The following TENM4 variants were observed in gnomAD, a reference collection of about 807,000 sequenced individuals.
The protein encoded by TENM4 is teneurin transmembrane protein 4.
Under a neutral mutation model 243.3 loss-of-function variants are expected in TENM4, and 82 were observed. The observed-to-expected ratio is 0.34, with a 90% CI of 0.28 to 0.40. The LOEUF (loss-of-function observed/expected upper bound fraction) is 0.40. Ranked by LOEUF, TENM4 falls within the 10% of genes least tolerant of loss-of-function variation. The pLI, the probability that TENM4 is intolerant of heterozygous loss-of-function variation, is 1.00. For synonymous variants in TENM4, 1,412 were observed against 1,456.3 expected (o/e 0.97, Z 0.69); for missense variants, 3,138 against 3,673.3 (o/e 0.85, Z 3.77).
At chr11:78,867,111 A>G (rs1339396547) in intron 9 of TENM4, among the ~76,000 whole-genome samples, 1 of 152,172 alleles carries the variant, frequency 6.6e-6, no homozygotes, top group African/African-American at 2.4e-5. Context: ...AAACAATCCA[A>G]TTATACTTTT....
chr11:79,339,950 C>T lies in TENM4; in HGVS notation c.-320-42407G>A, dbSNP rs535002680. 3.6e-4 allele frequency among the ~76,000 whole-genome samples: 55 copies of T among 152,100 alleles called. 1 individual carries two copies. In the South Asian group the frequency reaches 7.5e-3, roughly 21 times the overall value. ...CATGGGTGGGGGCCACAGGCAGCCA[C>T]GTGAGGAAGTGACAGGTCAGCAGAG... On this transcript the variant is annotated intron_variant, in intron 1 of 33. Coordinates refer to ENST00000278550, the MANE Select transcript of TENM4 (RefSeq NM_001098816.3).
chr11:78,849,102 C>G (rs1858469495), intron 12 of TENM4, among the ~76,000 whole-genome samples: 1 of 152,186 alleles, frequency 6.6e-6, no homozygotes, highest in South Asian at 2.1e-4. Flanking sequence ...CACATTGCCA[C>G]AATGTCAGGC....
chr11:79,202,826 A>T (rs1863771058), intron 3 of TENM4, among the ~76,000 whole-genome samples: 1 of 152,162 alleles, frequency 6.6e-6, no homozygotes, highest in African/African-American at 2.4e-5. Flanking sequence ...AGCACCCTAG[A>T]CAGAAAGACC....
At chr11:78,711,691 G>T (rs1457051619) in intron 26 of TENM4, among the ~76,000 whole-genome samples, 1 of 152,134 alleles carries the variant, frequency 6.6e-6, no homozygotes, top group Non-Finnish European at 1.5e-5. Context: ...CTATAGGGTT[G>T]CAACACAGTG....
At chr11:79,048,924 AG>A (rs1276623724) in intron 6 of TENM4, among the ~76,000 whole-genome samples, 1 of 152,110 alleles carries the variant, frequency 6.6e-6, no homozygotes, top group East Asian at 1.9e-4. Context: ...TTAGAACCTC[AG>A]GGGACCTTAG....
chr11:79,226,989 T>TGTGCTCTGCA (rs1864280539), intron 2 of TENM4, among the ~76,000 whole-genome samples: 1 of 152,232 alleles, frequency 6.6e-6, no homozygotes, highest in African/African-American at 2.4e-5. Context: ...CCTGCTCTGC[T>TGTGCTCTGCA]GTGCTCTGCA....
Position 78,676,151 on chromosome 11 carries a change from C to A in TENM4, c.5496+1G>T. 1 of 1,507,590 alleles carries A rather than the reference C, an allele frequency of 6.6e-7. No homozygotes were observed. Among genetic ancestry groups the A allele is most frequent in the Non-Finnish European group, 9.0e-7 (1 of 1,115,918 alleles). 93.4% of individuals were successfully genotyped at this position (1,507,590 alleles called of 1,614,324 possible). A position where few individuals can be genotyped will look rare whatever the true frequency, so the allele number is the denominator to read the frequency against. ...CAGCCACCTCCAGAGGCCTCGCTCA[C>A]CCGCAGCCGGCGCCCAAAGACAGTG... On this transcript the variant is annotated splice_donor_variant, in intron 30 of 33. Coordinates refer to ENST00000278550, the MANE Select transcript of TENM4 (RefSeq NM_001098816.3). LOFTEE classifies it high-confidence loss of function.
chr11:79,163,623 G>A (rs567048603), intron 3 of TENM4, among the ~76,000 whole-genome samples: 9 of 151,810 alleles, frequency 5.9e-5, no homozygotes, highest in Non-Finnish European at 1.2e-4. Context: ...CTCCCATTAT[G>A]AGTGAGAACA....
chr11:79,022,404 T>C (rs1427449547), intron 6 of TENM4, among the ~76,000 whole-genome samples: 1 of 152,124 alleles, frequency 6.6e-6, no homozygotes, highest in African/African-American at 2.4e-5. Flanking sequence ...CAGTCTCAGC[T>C]ATGCAGTAAA....
At chr11:79,168,725 A>T (rs1329794701) in intron 3 of TENM4, among the ~76,000 whole-genome samples, 1 of 152,124 alleles carries the variant, frequency 6.6e-6, no homozygotes, top group African/African-American at 2.4e-5. Flanking sequence ...AGCTCCTCCC[A>T]TAGGAGGTGG....
chr11:79,189,876 C>A (rs1368408024), intron 3 of TENM4, among the ~76,000 whole-genome samples: 1 of 152,202 alleles, frequency 6.6e-6, no homozygotes, highest in Non-Finnish European at 1.5e-5. Context: ...TGGCCCCACT[C>A]CTGTTGTCAG....
At chr11:79,189,241 G>A (rs1018539321) in intron 3 of TENM4, among the ~76,000 whole-genome samples, 1 of 152,180 alleles carries the variant, frequency 6.6e-6, no homozygotes, top group Admixed American at 6.5e-5. Flanking sequence ...GAACTAAGAA[G>A]TGATGTAACA....
intron 9 of TENM4, among the ~76,000 whole-genome samples, chr11:78,878,539 G>A (rs887826737): frequency 6.6e-5 from 10 of 152,212 alleles, no homozygotes; most frequent in African/African-American, 9.6e-5. Context: ...GGGGTAGGAG[G>A]TGATGGGCAG....
intron 1 of TENM4, among the ~76,000 whole-genome samples, chr11:79,386,902 C>A (rs1040711744): frequency 2.6e-5 from 4 of 152,048 alleles, no homozygotes; most frequent in Admixed American, 1.3e-4. Flanking sequence ...TCCTATAACC[C>A]AGAAACTCCA....
chr11:79,015,023 G>C (rs1227413665), intron 6 of TENM4, among the ~76,000 whole-genome samples: 1 of 152,206 alleles, frequency 6.6e-6, no homozygotes, highest in Admixed American at 6.5e-5. Context: ...CCCTGGCAGA[G>C]GGGCACAGGA....
chr11:78,973,758 CATTAAATAT>C (rs974340357), intron 6 of TENM4, among the ~76,000 whole-genome samples: 16 of 150,094 alleles, frequency 1.1e-4, no homozygotes, highest in African/African-American at 3.9e-4. Flanking sequence ...TGGTTTTTGC[CATTAAATAT>C]AATGGCAAAA....
intron 1 of TENM4, among the ~76,000 whole-genome samples, chr11:79,434,782 A>G (rs1473081133): frequency 6.6e-6 from 1 of 152,226 alleles, no homozygotes; most frequent in Non-Finnish European, 1.5e-5. Context: ...ACTGCTTTTC[A>G]TGTGTGACAG....
At chr11:78,918,797 A>G (rs1404126593) in intron 6 of TENM4, among the ~76,000 whole-genome samples, 1 of 152,202 alleles carries the variant, frequency 6.6e-6, no homozygotes. Context: ...AGTGCGAGAA[A>G]TAAACTTTTA....
intron 1 of TENM4, among the ~76,000 whole-genome samples, chr11:79,368,255 A>G (rs185337558): frequency 5.1e-4 from 77 of 152,302 alleles, no homozygotes; most frequent in African/African-American, 1.5e-3. Context: ...GAATTATTTT[A>G]TATGTTTAAT....
Sources: allele counts gnomAD v4.1 joint callset (sites outside exome capture counted in the v4.1 genomes callset), GRCh38; gene constraint gnomAD v4.1.1; transcripts MANE v1.5; gene names NCBI Gene and HGNC (gene_info 2026-07-23, HGNC 2026-07-21).